The following COL5A1 variants were observed in gnomAD, a reference collection of about 807,000 sequenced individuals.
COL5A1 encodes the protein collagen type V alpha 1 chain, also known as collagen alpha-1(V) chain.
Under a neutral mutation model 263.7 loss-of-function variants are expected in COL5A1, and 16 were observed. The ratio of observed to expected loss-of-function variants is 0.06; its 90% CI spans 0.04 to 0.09. COL5A1 has a LOEUF of 0.09. COL5A1 is among the 10% of genes least tolerant of loss of function. COL5A1 has a pLI of 1.00. For synonymous variants in COL5A1, 1,012 were observed against 1,004.5 expected, an observed-to-expected ratio of 1.01 and a Z score of -0.14; for missense variants, 2,036 against 2,540.5, an observed-to-expected ratio of 0.80 and a Z score of 4.27.
Position 134,758,401 on chromosome 9 carries a change from G to A in COL5A1, c.1935+105G>A. On this transcript the variant is annotated intron_variant, in intron 18 of 65. Transcript: ENST00000371817. The surrounding 1 kb of genome is among the most constrained non-coding windows in gnomAD (Gnocchi z 4.1). ...AGCCTCAGATTTCCTGTGGGGTCAG[G>A]TCTCCGCCATTCCAACAGTCAGTAT... 2.6e-6 allele frequency: 3 copies of A among 1,154,416 alleles called. No individual in the cohort carries two copies. Among genetic ancestry groups the A allele is most frequent in the Non-Finnish European group, 3.9e-6 (3 of 774,432 alleles). The allele number at this position is 1,154,416 out of a possible 1,614,324, so 71.5% of individuals were successfully genotyped here. A position where few individuals can be genotyped will look rare whatever the true frequency, so the allele number is the denominator to read the frequency against.
At chr9:134,833,401 C>T (rs1187629607) in intron 64 of COL5A1, among the ~76,000 whole-genome samples, 2 of 152,214 alleles carry the variant, frequency 1.3e-5, no homozygotes, top group Admixed American at 6.5e-5. Context: ...GCACATTGTC[C>T]TCTGATGCCT....
intron 42 of COL5A1, among the ~76,000 whole-genome samples, chr9:134,807,881 A>G (rs1428464800): frequency 1.3e-5 from 2 of 152,204 alleles, no homozygotes; most frequent in South Asian, 4.1e-4. Context: ...CACAGTTTCA[A>G]GAGAGTAAAT....
intron 2 of COL5A1, among the ~76,000 whole-genome samples, chr9:134,697,238 G>A (rs1013350433): frequency 2.0e-5 from 3 of 152,166 alleles, no homozygotes; most frequent in Non-Finnish European, 2.9e-5. Flanking sequence ...GTCATGACTC[G>A]AATGGGCCAT....
In COL5A1 at chr9:134,663,955, T is replaced by C. The variant is rs943566685; in HGVS notation, c.109+21659T>C. ...GGGTGCTAGAGGCCTTCTTGGGCTC[T>C]CCAGGGGGAAGGGAACATCTTGGGG... On this transcript the variant is annotated intron_variant, in intron 1 of 65. Transcript: ENST00000371817. 7.2e-5 allele frequency among the ~76,000 whole-genome samples: 11 copies of C among 152,168 alleles called. No homozygotes were observed. The East Asian group carries it at 1.7e-3, about 24-fold the overall frequency.
intron 39 of COL5A1, among the ~76,000 whole-genome samples, chr9:134,803,222 C>T (rs896938257): frequency 6.6e-6 from 1 of 152,278 alleles, no homozygotes; most frequent in Middle Eastern, 3.4e-3. Flanking sequence ...GCAGGGGTCA[C>T]CACCATCCTC....
intron 1 of COL5A1, among the ~76,000 whole-genome samples, chr9:134,672,379 A>C (rs572938996): frequency 6.6e-6 from 1 of 152,358 alleles, no homozygotes; most frequent in Middle Eastern, 3.4e-3. Flanking sequence ...GGTTTCTATT[A>C]AGTATAACCA....
intron 1 of COL5A1, among the ~76,000 whole-genome samples, chr9:134,685,334 GTCCA>G (rs1156712765): frequency 6.2e-4 from 17 of 27,640 alleles, no homozygotes; most frequent in East Asian, 1.8e-3. Flanking sequence ...CCATCCATCT[GTCCA>G]TCCATCCATC....
At chr9:134,747,985 G>T (rs1162922241) in intron 11 of COL5A1, among the ~76,000 whole-genome samples, 1 of 124,732 alleles carries the variant, frequency 8.0e-6, no homozygotes, top group Non-Finnish European at 1.7e-5. Flanking sequence ...ACACACACAT[G>T]CATTCACACA....
rs1208663444 is a variant in COL5A1, at chr9:134,843,130, C to G, written c.*827C>G. 1 of 150,112 alleles carries G rather than the reference C, an allele frequency of 6.7e-6. No individual in the cohort carries two copies. The highest frequency in any genetic ancestry group is 2.0e-4 in the East Asian group (1 of 5,058). The allele number at this position is 150,112 out of a possible 1,614,324, so 9.3% of individuals were successfully genotyped here. A position where few individuals can be genotyped will look rare whatever the true frequency, so the allele number is the denominator to read the frequency against. ...AAAAGCAGGTACCAGTGCCCCTTTT[C>G]AGACAGTTTTTGATTCGCTCTAGAC... On this transcript the variant is annotated 3_prime_UTR_variant, in exon 66 of 66. Transcript: ENST00000371817.
chr9:134,806,722 C>A (rs1838310648), intron 42 of COL5A1, among the ~76,000 whole-genome samples: 1 of 152,224 alleles, frequency 6.6e-6, no homozygotes, highest in Non-Finnish European at 1.5e-5. Context: ...CTGTTCCCTG[C>A]TGCTGGCCCA....
intron 39 of COL5A1, among the ~76,000 whole-genome samples, chr9:134,803,244 C>G (rs1838177157): frequency 6.6e-6 from 1 of 152,164 alleles, no homozygotes; most frequent in African/African-American, 2.4e-5. Context: ...ACCCTCTGCT[C>G]TCTCCCCAGC....
chr9:134,760,082 G>GCA (rs1836266751), intron 18 of COL5A1, among the ~76,000 whole-genome samples: 1 of 47,658 alleles, frequency 2.1e-5, no homozygotes, highest in African/African-American at 9.3e-5. Context: ...ATGCACACAC[G>GCA]CATACACGCC....
Position 134,807,163 on chromosome 9 carries a change from A to G in COL5A1, c.3366+867A>G, listed in dbSNP as rs928789965. Among the ~76,000 whole-genome samples the G allele has an allele frequency of 2.6e-5, 4 of 152,316 alleles. No individual in the cohort carries two copies. In the East Asian group the frequency reaches 5.8e-4, roughly 22 times the overall value. On this transcript the variant is annotated intron_variant, in intron 42 of 65. Coordinates refer to ENST00000371817, the MANE Select transcript of COL5A1 (RefSeq NM_000093.5). Reference sequence around the variant, plus strand: ...TGCATTCAATCAGCTCTGGAGACCAATTTAATCTCAACTTCTCCTTCCCAG... The same window carrying G: ...TGCATTCAATCAGCTCTGGAGACCAGTTTAATCTCAACTTCTCCTTCCCAG...
chr9:134,843,111 A>T lies in COL5A1; in HGVS notation c.*808A>T, dbSNP rs1465759270. On this transcript the variant is annotated 3_prime_UTR_variant, in exon 66 of 66. Coordinates refer to ENST00000371817, the MANE Select transcript of COL5A1 (RefSeq NM_000093.5). Reference sequence around the variant, plus strand: ...AGAATTTATGCTGCCATTGAAAAGCAGGTACCAGTGCCCCTTTTCAGACAG... The same window carrying T: ...AGAATTTATGCTGCCATTGAAAAGCTGGTACCAGTGCCCCTTTTCAGACAG... 2.0e-5 allele frequency: 3 copies of T among 151,484 alleles called. No individual in the cohort carries two copies. The East Asian group carries it at 5.8e-4, about 29-fold the overall frequency. The allele number at this position is 151,484 out of a possible 1,614,324, so 9.4% of individuals were successfully genotyped here. A position where few individuals can be genotyped will look rare whatever the true frequency, so the allele number is the denominator to read the frequency against.
At chr9:134,699,555 A>T (rs1020040284) in intron 2 of COL5A1, among the ~76,000 whole-genome samples, 1 of 144,178 alleles carries the variant, frequency 6.9e-6, no homozygotes, top group Non-Finnish European at 1.5e-5. Flanking sequence ...AGCAGCCTCC[A>T]TCCAGAGGCA....
chr9:134,764,897 T>C (rs1000529335), intron 20 of COL5A1, among the ~76,000 whole-genome samples: 9 of 152,140 alleles, frequency 5.9e-5, no homozygotes, highest in African/African-American at 2.2e-4. Flanking sequence ...TAAGAGGCAG[T>C]AAGTGGGGGA....
intron 27 of COL5A1, among the ~76,000 whole-genome samples, chr9:134,777,758 G>A (rs1449250181): frequency 1.3e-5 from 2 of 152,200 alleles, no homozygotes; most frequent in African/African-American, 4.8e-5. Context: ...AGGAGAGCTG[G>A]TGCCAATGCC....
intron 31 of COL5A1, among the ~76,000 whole-genome samples, chr9:134,787,361 T>C (rs889563127): frequency 1.3e-5 from 2 of 152,168 alleles, no homozygotes; most frequent in Non-Finnish European, 2.9e-5. Flanking sequence ...CCTGCCTAGA[T>C]TGGCAGGCGG....
chr9:134,842,148 C>G lies in COL5A1; in HGVS notation c.5371-9C>G. ...TTAACCACCGGCCATCTGTCTCCCT[C>G]TTCCCCAGACCAAGAAAGGCTACCA... is the stretch of plus-strand genomic sequence containing the variant. On this transcript the variant is annotated splice_polypyrimidine_tract_variant and intron_variant, in intron 65 of 65. Coordinates refer to ENST00000371817, the MANE Select transcript of COL5A1 (RefSeq NM_000093.5). This position sits in a 1 kb window ranked among gnomAD's most constrained non-coding sequence, Gnocchi z 5.8. 6.2e-7 allele frequency: 1 copy of G among 1,614,170 alleles called. No individual in the cohort carries two copies. Among genetic ancestry groups the G allele is most frequent in the Non-Finnish European group, 8.5e-7 (1 of 1,180,020 alleles).
Sources: gnomAD v4.1 joint callset for allele counts (sites outside exome capture counted in the v4.1 genomes callset) on GRCh38, gnomAD v4.1.1 for gene constraint, Gnocchi (gnomAD v3.1) non-coding constraint, MANE v1.5 for transcripts, NCBI Gene and HGNC (gene_info 2026-07-23, HGNC 2026-07-21) for gene names.